DYSF: variants seen among roughly 807,000 people sequenced by gnomAD.
The protein encoded by DYSF is dystrophy-associated fer-1-like 1.
A neutral mutation model predicts 274.9 loss-of-function variants in DYSF; 212 were observed. That is an observed-to-expected ratio of 0.77 (90% CI 0.69 to 0.86). The LOEUF is 0.86. DYSF is among the 40% of genes least tolerant of loss of function. DYSF has a pLI of 0.00. For missense variants in DYSF, 2,666 were observed against 2,783.2 expected (o/e 0.96, Z 0.95); for synonymous variants, 1,091 against 1,078.7 (o/e 1.01, Z -0.22).
intron 32 of DYSF, among the ~76,000 whole-genome samples, chr2:71,593,197 A>C (rs2093320098): frequency 7.8e-6 from 1 of 127,788 alleles, no homozygotes; most frequent in African/African-American, 3.1e-5. Flanking sequence ...CAATGGCGCT[A>C]TCTTGGCTCA....
At chr2:71,653,994 G>A (rs2094720026) in intron 42 of DYSF, among the ~76,000 whole-genome samples, 1 of 151,978 alleles carries the variant, frequency 6.6e-6, no homozygotes, top group Admixed American at 6.6e-5. Context: ...GTGACAGACT[G>A]GGACAAACAT....
chr2:71,550,910 A>G, intron 17 of DYSF, 131 bp from the exon 18 acceptor site: 1 of 749,762 alleles, frequency 1.3e-6, no homozygotes, highest in Non-Finnish European at 2.4e-6. Context: ...TTATACACTG[A>G]CAGGAGCTGC....
intron 40 of DYSF, among the ~76,000 whole-genome samples, chr2:71,618,285 G>GGT (rs1277986987): frequency 6.7e-5 from 2 of 29,688 alleles, no homozygotes; most frequent in Admixed American, 3.8e-4. Flanking sequence ...GTGTGGTAGA[G>GGT]GTGTGTGTGT....
At position 71,601,154 on chromosome 2, in the gene DYSF, C is replaced by G. The variant is rs1574279268; in HGVS notation, c.3897+312C>G. 11 of 587,234 alleles carry G rather than the reference C, an allele frequency of 1.9e-5. No individual in the cohort carries two copies. In the East Asian group the frequency reaches 2.0e-4, roughly 11 times the overall value. The allele number at this position is 587,234 out of a possible 1,614,324, so 36.4% of individuals were successfully genotyped here. Reference sequence around the variant, plus strand: ...GAGGGACTCCAGGGACAGGCAAGGGCAGGATCCCCGTTGCATTGCTGGCTT... The same window carrying G: ...GAGGGACTCCAGGGACAGGCAAGGGGAGGATCCCCGTTGCATTGCTGGCTT... On this transcript the variant is annotated intron_variant, in intron 34 of 55. Transcript: ENST00000410020.
intron 6 of DYSF, 32 bp from the exon 7 acceptor site, chr2:71,513,684 A>G (rs1573641438): frequency 6.2e-7 from 1 of 1,608,266 alleles, no homozygotes; most frequent in Non-Finnish European, 8.5e-7. Flanking sequence ...GGCCAGAGGG[A>G]TCCAGGCCTC....
At chr2:71,459,968 C>T (rs1490536614) in intron 1 of DYSF, among the ~76,000 whole-genome samples, 7 of 152,210 alleles carry the variant, frequency 4.6e-5, no homozygotes, top group Admixed American at 4.6e-4. Context: ...GGCTCCTAAG[C>T]TGGCCCCATC....
intron 3 of DYSF, among the ~76,000 whole-genome samples, chr2:71,492,704 C>CA (rs1410996373): frequency 1.4e-5 from 2 of 139,092 alleles, no homozygotes; most frequent in African/African-American, 5.2e-5. Flanking sequence ...TTCCTCCCCC[C>CA]CCCCCTTTTC....
intron 44 of DYSF, 67 bp downstream of exon 44, chr2:71,659,100 T>C: frequency 6.2e-7 from 1 of 1,604,048 alleles, no homozygotes; most frequent in Non-Finnish European, 8.5e-7. Flanking sequence ...CTATAGAACC[T>C]GGACACAAAC....
chr2:71,571,987 C>T (rs1408099914), intron 29 of DYSF, among the ~76,000 whole-genome samples: 1 of 145,986 alleles, frequency 6.8e-6, no homozygotes, highest in African/African-American at 2.6e-5. Flanking sequence ...TGGATCACAT[C>T]CAGCACACCC....
At chr2:71,585,814 G>A (rs894921804) in intron 30 of DYSF, among the ~76,000 whole-genome samples, 10 of 152,144 alleles carry the variant, frequency 6.6e-5, no homozygotes, top group African/African-American at 2.4e-4. Flanking sequence ...AAGCAGATGG[G>A]TGCTCGCAAT....
At chr2:71,497,715 T>A (rs1445645008) in intron 3 of DYSF, among the ~76,000 whole-genome samples, 1 of 152,166 alleles carries the variant, frequency 6.6e-6, no homozygotes, top group African/African-American at 2.4e-5. Flanking sequence ...GAAGATGAAC[T>A]GGGAAAGAAG....
chr2:71,501,044 G>A (rs1003744147), intron 3 of DYSF, among the ~76,000 whole-genome samples: 11 of 152,144 alleles, frequency 7.2e-5, no homozygotes, highest in Non-Finnish European at 1.5e-5. Flanking sequence ...ACTGACGGGT[G>A]CCTTCTGGCA....
chr2:71,542,653 G>A (rs933436648), intron 17 of DYSF, among the ~76,000 whole-genome samples: 1 of 152,104 alleles, frequency 6.6e-6, no homozygotes. Context: ...AACCCTGAGT[G>A]GACACAGCAC....
intron 47 of DYSF, among the ~76,000 whole-genome samples, chr2:71,666,700 C>T (rs2095018631): frequency 6.6e-6 from 1 of 152,244 alleles, no homozygotes; most frequent in Admixed American, 6.5e-5. Context: ...CACCTGGGGA[C>T]AGGCACCTAG....
At chr2:71,562,845 A>G (rs1352978622) in intron 23 of DYSF, among the ~76,000 whole-genome samples, 3 of 152,194 alleles carry the variant, frequency 2.0e-5, no homozygotes, top group Non-Finnish European at 4.4e-5. Flanking sequence ...AACTCCTCAC[A>G]GTGGCAGCAG....
intron 40 of DYSF, among the ~76,000 whole-genome samples, chr2:71,618,135 CGTGTGTGGTAGAGGTGGTGTGT>C (rs2093957925): frequency 5.4e-5 from 1 of 18,406 alleles, no homozygotes; most frequent in Non-Finnish European, 1.0e-4. Context: ...GTAGAGGTGG[CGTGTGTGGTAGAGGTGGTGTGT>C]GTGTGTGTGT....
intron 19 of DYSF, 43 bp downstream of exon 19, chr2:71,551,763 G>A: frequency 6.6e-7 from 1 of 1,511,552 alleles, no homozygotes; most frequent in East Asian, 2.3e-5. Context: ...GTCGGGGCAG[G>A]GAAGGGATGG....
intron 4 of DYSF, among the ~76,000 whole-genome samples, chr2:71,503,992 T>A (rs2085235298): frequency 6.6e-6 from 1 of 152,246 alleles, no homozygotes; most frequent in African/African-American, 2.4e-5. Context: ...TTGGAACTAC[T>A]TCCGCCCTGT....
rs144202114 is a variant in DYSF at position 71,528,309 on chromosome 2, G to A, written c.1288G>A (p.Val430Met). The A allele has an allele frequency of 9.8e-4, 1,589 of 1,613,934 alleles. 7 individuals are homozygous for A. The African/African-American group carries it at 0.012, about 12-fold the overall frequency. ...GTCCCTCTTCCCAGTGGACGATGCC[G>A]TGATGGACAACGTGAAACAGATCTT... The part of the protein sequence containing the change: ...AEDLPQMDDA[V>M]MDNVKQIFGF... Residue 430 changes from valine to methionine, a missense_variant, in exon 14 of 56, where the codon GTG (valine) becomes ATG (methionine). By Grantham distance (21) the Val-to-Met change is conservative (BLOSUM62 1). This residue lies in a region of DYSF where 794 missense variants were observed against 777.1 expected (regional missense o/e 1.02). Transcript: ENST00000410020.
Sources: allele counts gnomAD v4.1 joint callset (sites outside exome capture counted in the v4.1 genomes callset), GRCh38; gene constraint gnomAD v4.1.1; regional missense constraint gnomAD v4.1.1; transcripts MANE v1.5; gene names NCBI Gene and HGNC (gene_info 2026-07-23, HGNC 2026-07-21).